Variants in MTA3 observed in about 807,000 individuals in gnomAD.
The protein encoded by MTA3 is metastasis-associated protein MTA3.
MTA3 carries 34 observed loss-of-function variants against 83.5 expected under a neutral mutation model. The observed-to-expected ratio is 0.41, with a 90% CI of 0.31 to 0.54. The LOEUF (loss-of-function observed/expected upper bound fraction) is 0.54, where lower values mean the gene tolerates loss of function less well. Ranked by LOEUF, MTA3 falls within the 20% of genes least tolerant of loss-of-function variation. The probability of loss-of-function intolerance (pLI) is 0.33; values close to 1 mark genes in which losing one functional copy is unlikely to be tolerated. For missense variants in MTA3, 761 were observed against 726.4 expected (o/e 1.05, Z -0.55); for synonymous variants, 303 against 252.7 (o/e 1.20, Z -1.89).
intron 16 of MTA3, among the ~76,000 whole-genome samples, chr2:42,739,982 A>G (rs1333213089): frequency 1.3e-5 from 2 of 152,194 alleles, no homozygotes; most frequent in Non-Finnish European, 1.5e-5. Flanking sequence ...CCTCCACTGA[A>G]GTCCTGAACC....
At chr2:42,563,681 C>G (rs528868004), upstream of MTA3, among the ~76,000 whole-genome samples, 1 of 151,870 alleles carries the variant, frequency 6.6e-6, no homozygotes, top group Admixed American at 6.6e-5. Context: ...TTAGCCAGGA[C>G]GGTCTCGATC....
intron 2 of MTA3, among the ~76,000 whole-genome samples, chr2:42,546,198 A>C (rs998122847): frequency 6.6e-6 from 1 of 152,156 alleles, no homozygotes; most frequent in African/African-American, 2.4e-5. Flanking sequence ...GCTGGCACTT[A>C]AAATATAAAT....
rs931890029 is a variant in MTA3 at position 42,609,700 on chromosome 2, G to A, written c.317+116G>A. On this transcript the variant is annotated intron_variant, in intron 4 of 16. Transcript: ENST00000405094. ...ATCTTGCTTAAACTACTTTGCTAAA[G>A]GCTTCATAATGGAATTTTAGGTTGG... 5 of 1,196,368 alleles carry A rather than the reference G, an allele frequency of 4.2e-6. No homozygotes were observed. In the African/African-American group the frequency reaches 7.6e-5, roughly 18 times the overall value. The allele number at this position is 1,196,368 out of a possible 1,614,324, so 74.1% of individuals were successfully genotyped here.
chr2:42,601,388 G>A (rs538985942), intron 3 of MTA3, among the ~76,000 whole-genome samples: 2 of 152,112 alleles, frequency 1.3e-5, no homozygotes, highest in African/African-American at 4.8e-5. Flanking sequence ...TATCCAATAC[G>A]CTATGAACTA....
At chr2:42,519,778 G>A (rs1050402673) in intron 2 of MTA3, among the ~76,000 whole-genome samples, 2 of 151,914 alleles carry the variant, frequency 1.3e-5, no homozygotes, top group African/African-American at 2.4e-5. Flanking sequence ...GGCCGGTTAC[G>A]GTGGCTCACA....
At chr2:42,641,750 C>T (rs1372981392) in intron 5 of MTA3, among the ~76,000 whole-genome samples, 1 of 152,092 alleles carries the variant, frequency 6.6e-6, no homozygotes, top group African/African-American at 2.4e-5. Context: ...CCTGTAATCC[C>T]AGCTACTTGG....
intron 2 of MTA3, among the ~76,000 whole-genome samples, chr2:42,551,315 C>T (rs930988426): frequency 5.9e-5 from 9 of 151,756 alleles, no homozygotes; most frequent in Non-Finnish European, 8.8e-5. Context: ...TTCAGCCTCC[C>T]GAATAGCTGG....
intron 2 of MTA3, among the ~76,000 whole-genome samples, chr2:42,504,416 T>C (rs887008976): frequency 6.6e-6 from 1 of 152,108 alleles, no homozygotes; most frequent in Non-Finnish European, 1.5e-5. Context: ...ATATTTTGTA[T>C]TTTTAGTAGA....
intron 4 of MTA3, among the ~76,000 whole-genome samples, chr2:42,611,076 G>T (rs542098379): frequency 2.0e-4 from 30 of 151,082 alleles, no homozygotes; most frequent in Non-Finnish European, 1.8e-4. Context: ...CTGCCTCCCG[G>T]GTTCACGCAG....
At chr2:42,522,714 G>A (rs1392679698) in intron 2 of MTA3, among the ~76,000 whole-genome samples, 1 of 151,582 alleles carries the variant, frequency 6.6e-6, no homozygotes. Context: ...GGAGGATCCA[G>A]CTTGGGAGAG....
chr2:42,611,447 G>A (rs1244234487), intron 4 of MTA3, among the ~76,000 whole-genome samples: 1 of 152,058 alleles, frequency 6.6e-6, no homozygotes, highest in Non-Finnish European at 1.5e-5. Context: ...TAAAGATACT[G>A]GAATTTCTTT....
chr2:42,603,516 C>G (rs1205864310), intron 3 of MTA3, among the ~76,000 whole-genome samples: 1 of 152,098 alleles, frequency 6.6e-6, no homozygotes, highest in Non-Finnish European at 1.5e-5. Flanking sequence ...GCAGAAATAG[C>G]TTAAATTTCT....
At chr2:42,733,679 T>G (rs1279651448) in intron 16 of MTA3, among the ~76,000 whole-genome samples, 2 of 152,184 alleles carry the variant, frequency 1.3e-5, no homozygotes, top group Non-Finnish European at 2.9e-5. Flanking sequence ...GTTGTTGTTT[T>G]GTAGAGACAG....
Position 42,581,180 on chromosome 2 carries a change from T to A in MTA3, c.190+1980T>A, listed in dbSNP as rs142310062. On this transcript the variant is annotated intron_variant, in intron 3 of 16. Coordinates refer to ENST00000405094, the MANE Select transcript of MTA3 (RefSeq NM_001330442.2). Reference sequence around the variant, plus strand: ...AAACAAAAAAGTGTTCATTATGATATGAGTTCTGTCACGTTTACAAATTAT... The same window carrying A: ...AAACAAAAAAGTGTTCATTATGATAAGAGTTCTGTCACGTTTACAAATTAT... 3.9e-5 allele frequency among the ~76,000 whole-genome samples: 6 copies of A among 152,304 alleles called. No individual in the cohort carries two copies. In the East Asian group the frequency reaches 1.2e-3, roughly 29 times the overall value.
rs1019999021 is a variant in MTA3 at position 42,670,077 on chromosome 2, T to C, written c.702+10215T>C. Among the ~76,000 whole-genome samples the C allele has an allele frequency of 5.3e-5, 8 of 152,288 alleles. No homozygotes were observed. In the South Asian group the frequency reaches 1.5e-3, roughly 28 times the overall value. Reference sequence around the variant, plus strand: ...GAGTTCGAGACCAGCCTGACCAACATGGTGAAACCCCATCTCTACTAAATA... The same window carrying C: ...GAGTTCGAGACCAGCCTGACCAACACGGTGAAACCCCATCTCTACTAAATA... On this transcript the variant is annotated intron_variant, in intron 8 of 16. Transcript: ENST00000405094.
chr2:42,594,899 TA>T (rs1681587125), intron 3 of MTA3, among the ~76,000 whole-genome samples: 1 of 142,264 alleles, frequency 7.0e-6, no homozygotes, highest in Non-Finnish European at 1.5e-5. Context: ...GCTAATTATT[TA>T]TTTATTTATT....
At chr2:42,569,944 T>C (rs1419983003) in intron 1 of MTA3, 2 of 152,122 alleles carry the variant, frequency 1.3e-5, no homozygotes, top group Non-Finnish European at 2.9e-5. Context: ...TAACCTGTTC[T>C]GCTCATCTGA....
chr2:42,498,276 C>T (rs1400427154), intron 2 of MTA3, among the ~76,000 whole-genome samples: 1 of 152,186 alleles, frequency 6.6e-6, no homozygotes, highest in African/African-American at 2.4e-5. Flanking sequence ...AAACTTCTCT[C>T]ATTTTAAAAT....
rs190617470 is a variant in MTA3 at position 42,616,728 on chromosome 2, G to A, written c.317+7144G>A. ...TGCATAGCTAGGATTACAAGCTCAC[G>A]CCACTATGCCTGGCTAATTTTTGTA... On this transcript the variant is annotated intron_variant, in intron 4 of 16. Coordinates refer to ENST00000405094, the MANE Select transcript of MTA3 (RefSeq NM_001330442.2). Among the ~76,000 whole-genome samples, 1,091 of 151,556 alleles carry A rather than the reference G, an allele frequency of 7.2e-3. 26 individuals carry two copies. Among genetic ancestry groups the A allele is most frequent in the Non-Finnish European group, 5.2e-3 (354 of 67,880 alleles).
Sources: gnomAD v4.1 joint callset for allele counts (sites outside exome capture counted in the v4.1 genomes callset) on GRCh38, gnomAD v4.1.1 for gene constraint, MANE v1.5 for transcripts, NCBI Gene and HGNC (gene_info 2026-07-23, HGNC 2026-07-21) for gene names.